ZFAT: variants seen among roughly 807,000 people sequenced by gnomAD.
The protein encoded by ZFAT is zinc finger protein ZFAT.
In ZFAT, 64 loss-of-function variants were observed where a neutral mutation model predicts 117.7. The observed-to-expected ratio is 0.54, with a 90% CI of 0.44 to 0.67. The LOEUF is 0.67. Among genes scored for constraint, ZFAT ranks in the 30% least tolerant of loss-of-function variants. The probability of loss-of-function intolerance (pLI) is 0.00; values close to 1 mark genes in which losing one functional copy is unlikely to be tolerated. For missense variants in ZFAT, 1,433 were observed against 1,584.5 expected (o/e 0.90, Z 1.62); for synonymous variants, 679 against 615.0 (o/e 1.10, Z -1.54).
intron 1 of ZFAT, among the ~76,000 whole-genome samples, chr8:134,665,123 G>A (rs1832144869): frequency 6.6e-6 from 1 of 152,228 alleles, no homozygotes. Context: ...GACAAGCAAG[G>A]TGTTTTGACC....
chr8:134,565,006 G>C (rs537380697), intron 11 of ZFAT: 7 of 1,288,432 alleles, frequency 5.4e-6, no homozygotes, highest in Non-Finnish European at 6.0e-6. Context: ...TCCAGGATCT[G>C]AAAGCAAAAA....
At chr8:134,771,780 A>C in the ZFAT span, among the ~76,000 whole-genome samples, 2 of 152,230 alleles carry the variant, frequency 1.3e-5, no homozygotes, top group Non-Finnish European at 2.9e-5. Flanking sequence ...AACACTGTTG[A>C]TAAAGACATA....
rs145990567 is a variant in ZFAT at position 134,638,444 on chromosome 8, G to A, written c.197-732C>T. 1.5e-4 allele frequency among the ~76,000 whole-genome samples: 22 copies of A among 151,706 alleles called. 1 individual carries two copies. Among genetic ancestry groups the A allele is most frequent in the African/African-American group, 3.1e-4 (13 of 41,330 alleles). ...GCGGGGGCCAGGCGCGGTGGCTCAC[G>A]CCTGTAATCCCAGCACTTTGGGAGG... On this transcript the variant is annotated intron_variant, in intron 2 of 15. Transcript: ENST00000377838.
upstream of ZFAT, among the ~76,000 whole-genome samples, chr8:134,714,591 C>A (rs1272449758): frequency 6.6e-6 from 1 of 152,076 alleles, no homozygotes; most frequent in Non-Finnish European, 1.5e-5. Context: ...ATGAAAAGAC[C>A]CTAAAGTTGT....
At chr8:134,823,871 T>C in the ZFAT span, among the ~76,000 whole-genome samples, 2 of 152,344 alleles carry the variant, frequency 1.3e-5, no homozygotes, top group East Asian at 3.9e-4. Flanking sequence ...TAAGTGCAAA[T>C]GGGTGCCTTT....
chr8:134,578,620 T>C (rs1379305731), intron 10 of ZFAT, among the ~76,000 whole-genome samples: 2 of 152,042 alleles, frequency 1.3e-5, no homozygotes, highest in East Asian at 3.9e-4. Flanking sequence ...GATCACTGGC[T>C]GTTCTGTTGA....
intron 15 of ZFAT, among the ~76,000 whole-genome samples, chr8:134,508,395 T>A (rs1398428988): frequency 6.6e-6 from 1 of 152,202 alleles, no homozygotes; most frequent in Non-Finnish European, 1.5e-5. Context: ...TATTTGTTAG[T>A]GCCAAGAAAA....
intron 3 of ZFAT, among the ~76,000 whole-genome samples, chr8:134,632,263 T>C (rs1829939237): frequency 6.6e-6 from 1 of 152,236 alleles, no homozygotes; most frequent in African/African-American, 2.4e-5. Context: ...TATGACTTTC[T>C]TAGTAACATT....
At chr8:134,486,094 G>A (rs1586558676) in intron 15 of ZFAT, among the ~76,000 whole-genome samples, 1 of 152,174 alleles carries the variant, frequency 6.6e-6, no homozygotes, top group African/African-American at 2.4e-5. Flanking sequence ...ATGAATAAAG[G>A]AATTTAAAAT....
intron 15 of ZFAT, among the ~76,000 whole-genome samples, chr8:134,479,880 A>G (rs1405407726): frequency 1.3e-5 from 2 of 152,110 alleles, no homozygotes. Context: ...GGGAGAATGG[A>G]AGGAGATTCT....
chr8:134,618,302 C>T (rs994185101), intron 3 of ZFAT, among the ~76,000 whole-genome samples: 2 of 152,192 alleles, frequency 1.3e-5, no homozygotes, highest in African/African-American at 4.8e-5. Context: ...CTTGTGCAAT[C>T]GTGGCAACAG....
At chr8:134,831,475 T>G in the ZFAT span, among the ~76,000 whole-genome samples, 24 of 152,138 alleles carry the variant, frequency 1.6e-4, no homozygotes, top group Non-Finnish European at 2.8e-4. Context: ...TCATCTCTGG[T>G]CCCCATCCAG....
the ZFAT span, among the ~76,000 whole-genome samples, chr8:134,760,273 G>GAAAAAAAAAAAAAAAAAAAAA: frequency 7.8e-6 from 1 of 128,754 alleles, no homozygotes; most frequent in African/African-American, 2.8e-5. Flanking sequence ...GTCTCAAAAA[G>GAAAAAAAAAAAAAAAAAAAAA]AAAAAAAAAA....
At chr8:134,584,180 C>A (rs1227347345) in intron 9 of ZFAT, among the ~76,000 whole-genome samples, 175 bp from the exon 10 acceptor site, 4 of 152,288 alleles carry the variant, frequency 2.6e-5, no homozygotes, top group Admixed American at 2.6e-4. Flanking sequence ...ACACACTTTC[C>A]ACGCCAGGTT....
At position 134,622,355 on chromosome 8, in the gene ZFAT, C is replaced by G. The variant is rs183015622; in HGVS notation, c.449-11700G>C. Reference sequence around the variant, plus strand: ...ATTTCATTTCCTTTGGAAAAGACAGCATTTGAAAAAGTGATGACATCGCAC... The same window carrying G: ...ATTTCATTTCCTTTGGAAAAGACAGGATTTGAAAAAGTGATGACATCGCAC... On this transcript the variant is annotated intron_variant, in intron 3 of 15. Coordinates refer to ENST00000377838, the MANE Select transcript of ZFAT (RefSeq NM_020863.4). Among the ~76,000 whole-genome samples, 4 of 152,262 alleles carry G rather than the reference C, an allele frequency of 2.6e-5. No homozygotes were observed. In the East Asian group the frequency reaches 7.7e-4, roughly 29 times the overall value.
chr8:134,773,984 A>ATTTTTTTTTTTTTTTT, the ZFAT span, among the ~76,000 whole-genome samples: 29 of 103,292 alleles, frequency 2.8e-4, 1 homozygote, highest in African/African-American at 1.1e-3. Context: ...TTGAGGATTA[A>ATTTTTTTTTTTTTTTT]TTTTTTTTTT....
At chr8:134,724,721 G>C in the ZFAT span, among the ~76,000 whole-genome samples, 2 of 152,052 alleles carry the variant, frequency 1.3e-5, no homozygotes, top group African/African-American at 4.8e-5. Context: ...TTACCTGCCA[G>C]TCAAGTTACA....
At chr8:134,609,069 G>T (rs1196486633) in intron 4 of ZFAT, among the ~76,000 whole-genome samples, 190 bp from the exon 5 acceptor site, 1 of 152,026 alleles carries the variant, frequency 6.6e-6, no homozygotes, top group Non-Finnish European at 1.5e-5. Context: ...ATGTGTTTGA[G>T]AAAGGACAAG....
chr8:134,790,988 A>G, the ZFAT span, among the ~76,000 whole-genome samples: 1 of 152,208 alleles, frequency 6.6e-6, no homozygotes, highest in Non-Finnish European at 1.5e-5. Flanking sequence ...CGATAGAGCA[A>G]GACTCCATCT....
Sources: gnomAD v4.1 joint callset for allele counts (sites outside exome capture counted in the v4.1 genomes callset) on GRCh38, gnomAD v4.1.1 for gene constraint, MANE v1.5 for transcripts, NCBI Gene and HGNC (gene_info 2026-07-23, HGNC 2026-07-21) for gene names.